PDGFD: variants seen among roughly 807,000 people sequenced by gnomAD.
PDGFD encodes the protein platelet derived growth factor D, also known as platelet-derived growth factor D.
A neutral mutation model predicts 44.7 loss-of-function variants in PDGFD; 30 were observed. The observed-to-expected ratio is 0.67, with a 90% CI of 0.50 to 0.91. The LOEUF is 0.91. Among genes scored for constraint, PDGFD ranks in the 40% least tolerant of loss-of-function variants. The pLI, the probability that PDGFD is intolerant of heterozygous loss-of-function variation, is 0.00. For missense variants in PDGFD, 445 were observed against 457.8 expected (o/e 0.97, Z 0.25); for synonymous variants, 173 against 168.4 (o/e 1.03, Z -0.21).
At position 103,957,281 on chromosome 11, in the gene PDGFD, G is replaced by A. The variant is rs937502992; in HGVS notation, c.511-9557C>T. 2.0e-5 allele frequency among the ~76,000 whole-genome samples: 3 copies of A among 152,074 alleles called. No individual in the cohort carries two copies. The East Asian group carries it at 5.8e-4, about 29-fold the overall frequency. On this transcript the variant is annotated intron_variant, in intron 3 of 6. Transcript: ENST00000393158. The stretch of plus-strand genomic sequence containing the variant: ...CAGTTGAATCAATATCGTGAAAATG[G>A]CCATACTGCCCAAGGTAATTTATAG...
intron 2 of PDGFD, among the ~76,000 whole-genome samples, chr11:103,998,366 A>T (rs1345334768): frequency 6.6e-6 from 1 of 152,034 alleles, no homozygotes; most frequent in Non-Finnish European, 1.5e-5. Context: ...CCACCCCTAG[A>T]CCTCTGGGGA....
chr11:104,109,225 A>G (rs1861515364), intron 1 of PDGFD, among the ~76,000 whole-genome samples: 1 of 152,092 alleles, frequency 6.6e-6, no homozygotes, highest in South Asian at 2.1e-4. Flanking sequence ...TGCATAACTA[A>G]CATCATGTAG....
In PDGFD at chr11:103,973,357, C is replaced by T. The variant is rs186725211; in HGVS notation, c.510+22708G>A. On this transcript the variant is annotated intron_variant, in intron 3 of 6. Transcript: ENST00000393158. ...AGAGACGAGGTTTCACCGTGTTAGCCGGGATGGTCTCGATCTCCCGACCTC... is the reference window on the plus strand; with the variant it reads ...AGAGACGAGGTTTCACCGTGTTAGCTGGGATGGTCTCGATCTCCCGACCTC... Among the ~76,000 whole-genome samples, 25 of 151,466 alleles carry T rather than the reference C, an allele frequency of 1.7e-4. No homozygotes were observed. In the East Asian group the frequency reaches 2.9e-3, roughly 18 times the overall value.
At chr11:104,061,007 T>C (rs1407187215) in intron 1 of PDGFD, among the ~76,000 whole-genome samples, 1 of 152,116 alleles carries the variant, frequency 6.6e-6, no homozygotes, top group African/African-American at 2.4e-5. Context: ...CCTCCCCATT[T>C]CCTCCTTCCC....
At chr11:103,915,334 A>G (rs1385123774) in intron 6 of PDGFD, among the ~76,000 whole-genome samples, 1 of 152,144 alleles carries the variant, frequency 6.6e-6, no homozygotes, top group Non-Finnish European at 1.5e-5. Context: ...TCATGAGTGA[A>G]CTCTCATTCA....
rs1353335499 is a variant in PDGFD at position 104,151,615 on chromosome 11, C to G, written c.124+12189G>C. ...TCAAATAATTATTTCGCACATCACA[C>G]ATTAAAAAATTAAGGCATACTGGGT... On this transcript the variant is annotated intron_variant, in intron 1 of 6. Transcript: ENST00000393158. Among the ~76,000 whole-genome samples, 4 of 152,072 alleles carry G rather than the reference C, an allele frequency of 2.6e-5. No individual in the cohort carries two copies. The East Asian group carries it at 7.7e-4, about 29-fold the overall frequency.
In PDGFD at chr11:103,921,604, T is replaced by TA. The variant is rs58116027; in HGVS notation, c.987+5307dup. ...ACCCCCCCATAAACCCACTGAAAAG[T>TA]AAAAAAAAAAAAAATCTAAATCTAA... On this transcript the variant is annotated intron_variant, in intron 6 of 6. Transcript: ENST00000393158. Among the ~76,000 whole-genome samples the TA allele has an allele frequency of 2.6e-3, 368 of 140,402 alleles. 3 individuals carry two copies. Among genetic ancestry groups the TA allele is most frequent in the East Asian group, 5.7e-3 (28 of 4,886 alleles). The allele number at this position is 140,402 out of a possible 152,430, so 92.1% of individuals were successfully genotyped here.
At chr11:103,948,626 G>A (rs143006855) in intron 3 of PDGFD, among the ~76,000 whole-genome samples, 124 of 152,238 alleles carry the variant, frequency 8.1e-4, no homozygotes, top group African/African-American at 2.9e-3. Context: ...ACCGAGGAGT[G>A]GGAGGTGTTT....
rs1370622632 is a variant in PDGFD, at chr11:104,045,120, G to C, written c.125-44865C>G. On this transcript the variant is annotated intron_variant, in intron 1 of 6. Transcript: ENST00000393158. ...TTCCTGGGGCAAACCAGAATGGCTG[G>C]TCACCATACTAGTGTTAGAAGCGGA... is the stretch of plus-strand genomic sequence containing the variant. 4.6e-5 allele frequency among the ~76,000 whole-genome samples: 7 copies of C among 152,220 alleles called. No homozygotes were observed. The East Asian group carries it at 1.4e-3, about 29-fold the overall frequency.
chr11:104,069,481 T>C (rs1254481250), intron 1 of PDGFD, among the ~76,000 whole-genome samples: 1 of 152,260 alleles, frequency 6.6e-6, no homozygotes, highest in Non-Finnish European at 1.5e-5. Context: ...TGAGACCATG[T>C]GAGTATACAC....
At chr11:104,006,781 A>G (rs576720279) in intron 1 of PDGFD, among the ~76,000 whole-genome samples, 1 of 152,180 alleles carries the variant, frequency 6.6e-6, no homozygotes, top group Admixed American at 6.5e-5. Flanking sequence ...TCCAGGGAAG[A>G]GTATATTCCC....
intron 3 of PDGFD, among the ~76,000 whole-genome samples, chr11:103,988,253 C>T (rs58603304): frequency 1.2e-3 from 179 of 151,986 alleles, no homozygotes; most frequent in African/African-American, 4.1e-3. Context: ...TAAAGAGGCA[C>T]ATTTATCTAA....
At chr11:104,106,730 C>G (rs946765527) in intron 1 of PDGFD, among the ~76,000 whole-genome samples, 2 of 151,084 alleles carry the variant, frequency 1.3e-5, no homozygotes, top group Non-Finnish European at 2.9e-5. Context: ...CAGTGACCCA[C>G]GCCTTTGTAT....
intron 5 of PDGFD, among the ~76,000 whole-genome samples, chr11:103,931,846 T>C (rs1858404636): frequency 6.6e-6 from 1 of 152,328 alleles, no homozygotes; most frequent in African/African-American, 2.4e-5. Context: ...AATGCTAAAG[T>C]TCTTTATAAA....
chr11:104,118,166 C>A (rs1565339863), intron 1 of PDGFD, among the ~76,000 whole-genome samples: 1 of 151,866 alleles, frequency 6.6e-6, no homozygotes, highest in Admixed American at 6.6e-5. Flanking sequence ...TGTGCCCCTT[C>A]CAAGTTGGAT....
chr11:104,036,948 C>A, intron 1 of PDGFD: 1 of 1,614,218 alleles, frequency 6.2e-7, no homozygotes, highest in East Asian at 2.2e-5. Flanking sequence ...GAGTCCCCGT[C>A]GAAGAGATCC....
intron 1 of PDGFD, among the ~76,000 whole-genome samples, chr11:104,046,789 C>A (rs116436240): frequency 0.011 from 1,624 of 146,488 alleles, 147 homozygotes; most frequent in African/African-American, 0.038. Context: ...ATGTTTAGAA[C>A]GTGAAGGTTT....
intron 3 of PDGFD, among the ~76,000 whole-genome samples, chr11:103,994,534 G>A (rs886727589): frequency 1.3e-5 from 2 of 152,060 alleles, no homozygotes; most frequent in Non-Finnish European, 2.9e-5. Flanking sequence ...AATTCACTTA[G>A]TGTTTAATAA....
intron 1 of PDGFD, among the ~76,000 whole-genome samples, chr11:104,120,110 A>G (rs1001818592): frequency 2.7e-5 from 4 of 150,386 alleles, no homozygotes; most frequent in African/African-American, 9.7e-5. Flanking sequence ...GTCAAGGCTG[A>G]CTTATAGCAC....
Sources: allele counts gnomAD v4.1 joint callset (sites outside exome capture counted in the v4.1 genomes callset), GRCh38; gene constraint gnomAD v4.1.1; transcripts MANE v1.5; gene names NCBI Gene and HGNC (gene_info 2026-07-23, HGNC 2026-07-21).